Variants in COL25A1 observed in about 807,000 individuals in gnomAD.
COL25A1 encodes collagen type XXV alpha 1 chain, also known as collagen alpha-1(XXV) chain.
In COL25A1, 103 loss-of-function variants were observed where a neutral mutation model predicts 128.4. The observed-to-expected ratio is 0.80, with a 90% CI of 0.68 to 0.94. The LOEUF (loss-of-function observed/expected upper bound fraction) is 0.94. Ranked by LOEUF, COL25A1 falls within the 40% of genes least tolerant of loss-of-function variation. The pLI is 0.00. For synonymous variants in COL25A1, 279 were observed against 277.2 expected, an observed-to-expected ratio of 1.01 and a Z score of -0.06; for missense variants, 745 against 840.0, an observed-to-expected ratio of 0.89 and a Z score of 1.40.
At chr4:109,048,897 C>A (rs1201880860) in intron 4 of COL25A1, among the ~76,000 whole-genome samples, 1 of 152,064 alleles carries the variant, frequency 6.6e-6, no homozygotes, top group African/African-American at 2.4e-5. Flanking sequence ...AATGTTTTAT[C>A]ATTTCTTTTT....
At chr4:109,026,699 T>C (rs1001397747) in intron 5 of COL25A1, among the ~76,000 whole-genome samples, 5 of 152,128 alleles carry the variant, frequency 3.3e-5, no homozygotes, top group Non-Finnish European at 5.9e-5. Flanking sequence ...AAAAGGCATA[T>C]AGGGTTAAGG....
intron 3 of COL25A1, among the ~76,000 whole-genome samples, chr4:109,058,502 A>G (rs1761653047): frequency 6.6e-6 from 1 of 152,218 alleles, no homozygotes; most frequent in Admixed American, 6.5e-5. Flanking sequence ...AGAGTGGTAG[A>G]CACCTCTTTT....
chr4:108,920,389 T>A (rs896847099), intron 12 of COL25A1, among the ~76,000 whole-genome samples, 189 bp downstream of exon 12: 1 of 152,192 alleles, frequency 6.6e-6, no homozygotes, highest in African/African-American at 2.4e-5. Context: ...ATTTATTGAA[T>A]TTTTTATAAT....
At chr4:109,100,417 GAAA>G (rs10706551) in intron 3 of COL25A1, among the ~76,000 whole-genome samples, 1 of 139,888 alleles carries the variant, frequency 7.1e-6, no homozygotes. Context: ...ATTTTTGTGA[GAAA>G]AAAAAAAAAA....
chr4:109,121,551 G>A (rs1015492565), intron 3 of COL25A1, among the ~76,000 whole-genome samples: 2 of 152,016 alleles, frequency 1.3e-5, no homozygotes, highest in African/African-American at 4.8e-5. Context: ...ATTAGGAATT[G>A]TAAATTAAAA....
intron 3 of COL25A1, among the ~76,000 whole-genome samples, chr4:109,294,724 A>T (rs932043347): frequency 6.6e-6 from 1 of 152,106 alleles, no homozygotes; most frequent in Non-Finnish European, 1.5e-5. Flanking sequence ...TTATAAAGTG[A>T]TAGTATGAAA....
At chr4:108,889,084 A>G (rs1409379764) in intron 18 of COL25A1, 137 bp downstream of exon 18, 1 of 813,828 alleles carries the variant, frequency 1.2e-6, no homozygotes, top group Non-Finnish European at 2.0e-6. Context: ...AAAATGCAAA[A>G]CAACAATAAC....
intron 5 of COL25A1, among the ~76,000 whole-genome samples, chr4:109,047,104 C>A (rs1225372652): frequency 6.6e-6 from 1 of 152,208 alleles, no homozygotes; most frequent in African/African-American, 2.4e-5. Context: ...AAAACTCCAA[C>A]AGACTTCAAA....
chr4:109,064,809 G>T (rs1210129539), intron 3 of COL25A1, among the ~76,000 whole-genome samples: 3 of 152,114 alleles, frequency 2.0e-5, no homozygotes, highest in African/African-American at 4.8e-5. Context: ...ACCACATCTG[G>T]TCTCTAGTAC....
chr4:108,895,938 CTTTTTTTT>C (rs35506597), intron 16 of COL25A1, among the ~76,000 whole-genome samples: 3 of 70,794 alleles, frequency 4.2e-5, no homozygotes, highest in Non-Finnish European at 7.5e-5. Context: ...TATAATCAAA[CTTTTTTTT>C]TTTTTTTTTT....
intron 3 of COL25A1, among the ~76,000 whole-genome samples, chr4:109,086,469 T>A (rs1342717841): frequency 6.6e-6 from 1 of 152,238 alleles, no homozygotes; most frequent in Non-Finnish European, 1.5e-5. Flanking sequence ...AGATAATTTA[T>A]CATCTTCTAT....
chr4:109,219,548 C>A (rs906646533), intron 3 of COL25A1, among the ~76,000 whole-genome samples: 3 of 128,190 alleles, frequency 2.3e-5, no homozygotes, highest in South Asian at 2.2e-4. Flanking sequence ...CTCTGTGTCA[C>A]CCCCCACAAA....
chr4:109,045,997 T>A (rs770923408), intron 5 of COL25A1, among the ~76,000 whole-genome samples: 1 of 152,192 alleles, frequency 6.6e-6, no homozygotes, highest in African/African-American at 2.4e-5. Context: ...CATGTAACAA[T>A]GATCCATGTT....
rs576980539 is a variant in COL25A1 at position 109,018,979 on chromosome 4, A to G, written c.421-8604T>C. Among the ~76,000 whole-genome samples, 4 of 152,258 alleles carry G rather than the reference A, an allele frequency of 2.6e-5. No homozygotes were observed. The South Asian group carries it at 8.3e-4, about 32-fold the overall frequency. The stretch of plus-strand genomic sequence containing the variant: ...AAAGACATACCCAAGTGTGATGGTT[A>G]ATAGGGAGTGTCAACTTGATTGGAT... On this transcript the variant is annotated intron_variant, in intron 5 of 37. Coordinates refer to ENST00000399132, the MANE Select transcript of COL25A1 (RefSeq NM_198721.4).
Position 108,811,313 on chromosome 4 carries a change from G to T in COL25A1, c.*2614C>A, listed in dbSNP as rs1474910309. On this transcript the variant is annotated 3_prime_UTR_variant, in exon 38 of 38. Transcript: ENST00000399132. The stretch of plus-strand genomic sequence containing the variant: ...TCCCAAGGAAATAAATGTAATGAAA[G>T]TTTACAACCTCATTTAATCATGAAA... The T allele has an allele frequency of 6.6e-6, 1 of 152,022 alleles. No homozygotes were observed. The highest frequency in any genetic ancestry group is 1.5e-5 in the Non-Finnish European group (1 of 67,924). 9.4% of individuals were successfully genotyped at this position (152,022 alleles called of 1,614,324 possible).
chr4:109,072,125 G>A (rs541132352), intron 3 of COL25A1, among the ~76,000 whole-genome samples: 4 of 152,212 alleles, frequency 2.6e-5, no homozygotes, highest in African/African-American at 4.8e-5. Flanking sequence ...AAGAGGAGTC[G>A]AAAATCCATT....
chr4:108,876,102 A>G (rs1739414531), intron 19 of COL25A1, among the ~76,000 whole-genome samples: 1 of 152,040 alleles, frequency 6.6e-6, no homozygotes, highest in African/African-American at 2.4e-5. Flanking sequence ...TAGGAGAAAT[A>G]CCTAATGTAA....
At chr4:109,140,363 G>A (rs1179806702) in intron 3 of COL25A1, among the ~76,000 whole-genome samples, 1 of 152,200 alleles carries the variant, frequency 6.6e-6, no homozygotes, top group Non-Finnish European at 1.5e-5. Flanking sequence ...GTCAGGTAGT[G>A]TGATGCCTCC....
chr4:109,090,179 C>G (rs1764771696), intron 3 of COL25A1, among the ~76,000 whole-genome samples: 1 of 152,026 alleles, frequency 6.6e-6, no homozygotes, highest in South Asian at 2.1e-4. Context: ...TTTCTCTAGA[C>G]AGAATTTAAG....
Sources: allele counts gnomAD v4.1 joint callset (sites outside exome capture counted in the v4.1 genomes callset), GRCh38; gene constraint gnomAD v4.1.1; transcripts MANE v1.5; gene names NCBI Gene and HGNC (gene_info 2026-07-23, HGNC 2026-07-21).